PAN2: variants seen among roughly 807,000 people sequenced by gnomAD.
The protein encoded by PAN2 is PAN2-PAN3 deadenylation complex catalytic subunit PAN2.
Under a neutral mutation model 133.3 loss-of-function variants are expected in PAN2, and 68 were observed. The observed-to-expected ratio is 0.51, with a 90% CI of 0.42 to 0.62. The LOEUF is 0.62. Among genes scored for constraint, PAN2 ranks in the 20% least tolerant of loss-of-function variants. The pLI, the probability that PAN2 is intolerant of heterozygous loss-of-function variation, is 0.00. For synonymous variants in PAN2, 462 were observed against 544.6 expected, an observed-to-expected ratio of 0.85 and a Z score of 2.11; for missense variants, 1,042 against 1,500.5, an observed-to-expected ratio of 0.69 and a Z score of 5.05.
rs1471505322 is a variant in PAN2 at position 56,327,639 on chromosome 12, A to C, written c.652-8T>G. On this transcript the variant is annotated splice_polypyrimidine_tract_variant and splice_region_variant and intron_variant, in intron 5 of 25. Coordinates refer to ENST00000440411, the MANE Select transcript of PAN2 (RefSeq NM_014871.6). ...GAGGTCTCTCAGGGAAACCTAGAAA[A>C]AAAAAATTCAGTTATCTGCAAATTC... 2.5e-6 allele frequency: 4 copies of C among 1,611,018 alleles called. No individual in the cohort carries two copies. The highest frequency in any genetic ancestry group is 3.4e-6 in the Non-Finnish European group (4 of 1,178,064).
At position 56,328,228 on chromosome 12, in the gene PAN2, A is replaced by G. The variant is rs375200032; in HGVS notation, c.573+10T>C. 1.1e-4 allele frequency: 172 copies of G among 1,585,716 alleles called. No individual in the cohort carries two copies. Among genetic ancestry groups the G allele is most frequent in the Non-Finnish European group, 1.4e-4 (167 of 1,163,724 alleles). The stretch of plus-strand genomic sequence containing the variant: ...ACCCCACATAGGTCTTTCTTGCCCC[A>G]AGCTTGTACCTTCTGAGTCTCCTGG... On this transcript the variant is annotated intron_variant, in intron 4 of 25. Coordinates refer to ENST00000440411, the MANE Select transcript of PAN2 (RefSeq NM_014871.6).
In PAN2 at chr12:56,323,474, G is replaced by A. The variant is rs370408597; in HGVS notation, c.2271+26C>T. 1.2e-5 allele frequency: 20 copies of A among 1,609,886 alleles called. No individual in the cohort carries two copies. The African/African-American group carries it at 2.1e-4, about 17-fold the overall frequency. ...GATAAAATGAAAAATTATTCCGGAA[G>A]CCTTGTTTCTAGTCTGAGTCCTTAC... On this transcript the variant is annotated intron_variant, in intron 15 of 25. Transcript: ENST00000440411.
At chr12:56,326,183 C>G in intron 8 of PAN2, 130 bp downstream of exon 8, 1 of 789,738 alleles carries the variant, frequency 1.3e-6, no homozygotes, top group Non-Finnish European at 2.0e-6. Flanking sequence ...CTCCCTAACA[C>G]CTAGCATAGT....
chr12:56,318,172 G>T, intron 25 of PAN2, 65 bp downstream of exon 25: 2 of 1,394,822 alleles, frequency 1.4e-6, no homozygotes, highest in Non-Finnish European at 1.0e-6. Flanking sequence ...GTGAGACCCT[G>T]TCACAAACAA....
chr12:56,318,548 A>G, intron 24 of PAN2, 114 bp from the exon 25 acceptor site: 1 of 705,096 alleles, frequency 1.4e-6, no homozygotes, highest in South Asian at 1.8e-5. Context: ...CTTAAGGAAA[A>G]TTGTCAGACA....
Position 56,324,136 on chromosome 12 carries a change from C to T in PAN2, c.1978G>A (p.Glu660Lys). ...CGGCAGAGGCTGCAGTTCTCCATCTCACAGCTGAAGAGCTGCCCAATAACA... is the reference window on the plus strand; with the variant it reads ...CGGCAGAGGCTGCAGTTCTCCATCTTACAGCTGAAGAGCTGCCCAATAACA... ...DSVIGQLFSC[E>K]MENCSLCRCG... Residue 660 changes from glutamate (E) to lysine (K), a missense_variant, in exon 13 of 26, where the codon GAG becomes AAG. By Grantham distance (56) the Glu-to-Lys change is moderately conservative. This residue lies in a region of PAN2 where 908 missense variants were observed against 1,223.5 expected (regional missense o/e 0.74). Coordinates refer to ENST00000440411, the MANE Select transcript of PAN2 (RefSeq NM_014871.6). The T allele has an allele frequency of 3.1e-6, 5 of 1,614,070 alleles. No homozygotes were observed. Among genetic ancestry groups the T allele is most frequent in the Non-Finnish European group, 4.2e-6 (5 of 1,180,018 alleles).
In PAN2 at chr12:56,324,747, G is replaced by GC. The variant is rs773904266; in HGVS notation, c.1600-39dup. 10 of 1,593,300 alleles carry GC rather than the reference G, an allele frequency of 6.3e-6. No individual in the cohort carries two copies. The South Asian group carries it at 1.1e-4, about 18-fold the overall frequency. ...GCAGAAGAACTGATGTAGGAAACTG[G>GC]CCTGGGGGTGAGGAGAAATATGGAG... On this transcript the variant is annotated intron_variant, in intron 10 of 25. Coordinates refer to ENST00000440411, the MANE Select transcript of PAN2 (RefSeq NM_014871.6).
Position 56,318,449 on chromosome 12 carries a change from G to T in PAN2, c.3365-15C>A. On this transcript the variant is annotated splice_polypyrimidine_tract_variant and intron_variant, in intron 24 of 25. Transcript: ENST00000440411. ...AATCTTCAGGTCTGGGGTAAGTAAAGGTGGAATAGTTTGGGACCCAGCAAA... is the reference window on the plus strand; with the variant it reads ...AATCTTCAGGTCTGGGGTAAGTAAATGTGGAATAGTTTGGGACCCAGCAAA... 7 of 1,608,136 alleles carry T rather than the reference G, an allele frequency of 4.4e-6. No individual in the cohort carries two copies. The highest frequency in any genetic ancestry group is 6.0e-6 in the Non-Finnish European group (7 of 1,174,566).
At position 56,322,610 on chromosome 12, in the gene PAN2, C is replaced by T; in HGVS notation, c.2637+5G>A. On this transcript the variant is annotated splice_donor_5th_base_variant and intron_variant, in intron 18 of 25. Coordinates refer to ENST00000440411, the MANE Select transcript of PAN2 (RefSeq NM_014871.6). The stretch of plus-strand genomic sequence containing the variant: ...AGTGTTCCTGCCCTCTACAACCTCA[C>T]TCACCTCCTTGCGCTGGTGGTAGGT... 6.2e-7 allele frequency: 1 copy of T among 1,614,110 alleles called. No homozygotes were observed. The highest frequency in any genetic ancestry group is 8.5e-7 in the Non-Finnish European group (1 of 1,179,960).
chr12:56,323,937 C>T (rs750886461), intron 13 of PAN2, 24 bp from the exon 14 acceptor site: 6 of 1,603,654 alleles, frequency 3.7e-6, no homozygotes, highest in Admixed American at 1.7e-5. Flanking sequence ...AGATGCTATA[C>T]TCCTGGTTCT....
At chr12:56,330,581 G>A (rs1194639275) in intron 2 of PAN2, among the ~76,000 whole-genome samples, 1 of 151,278 alleles carries the variant, frequency 6.6e-6, no homozygotes, top group Non-Finnish European at 1.5e-5. Flanking sequence ...GGATGGTCTC[G>A]ATCTCCTGAC....
rs1876088020 is a variant in PAN2, at chr12:56,333,006, T to A, written c.89A>T (p.Asn30Ile). Reference protein sequence around the residue: ...ALDPVLDAHLNPSLLQNVELD... With the variant: ...ALDPVLDAHLIPSLLQNVELD... Reference sequence around the variant, plus strand: ...CTCCACATTCTGTAGCAGACTTGGGTTCAGGTGGGCATCCAAGACAGGGTC... The same window carrying A: ...CTCCACATTCTGTAGCAGACTTGGGATCAGGTGGGCATCCAAGACAGGGTC... Residue 30 changes from asparagine (N) to isoleucine (I), a missense_variant, in exon 2 of 26, where the codon AAC (asparagine) becomes ATC (isoleucine). Around this residue, in one of 3 missense-constraint regions of PAN2, gnomAD observed 908 missense variants for 1,223.5 expected, o/e 0.74. Transcript: ENST00000440411. 2 of 1,613,996 alleles carry A rather than the reference T, an allele frequency of 1.2e-6. No individual in the cohort carries two copies. Among genetic ancestry groups the A allele is most frequent in the African/African-American group, 2.7e-5 (2 of 74,892 alleles).
In PAN2 at chr12:56,317,177, C is replaced by T. The variant is rs1274832435; in HGVS notation, c.*432G>A. 6.3e-6 allele frequency: 1 copy of T among 158,652 alleles called. No homozygotes were observed. The highest frequency in any genetic ancestry group is 2.4e-5 in the African/African-American group (1 of 41,596). The allele number at this position is 158,652 out of a possible 1,614,324, so 9.8% of individuals were successfully genotyped here. A position where few individuals can be genotyped will look rare whatever the true frequency, so the allele number is the denominator to read the frequency against. On this transcript the variant is annotated 3_prime_UTR_variant, in exon 26 of 26. Transcript: ENST00000440411. ...CCACCAACACTCTACTTGCTGGCCC[C>T]TCCAGGTATCCCTGAAGCAGTTGGT...
chr12:56,329,930 T>G, intron 2 of PAN2, among the ~76,000 whole-genome samples: 2 of 112,540 alleles, frequency 1.8e-5, no homozygotes, highest in Admixed American at 1.1e-4. Flanking sequence ...GGCAACAGAG[T>G]GAGATTCCAC....
rs1401651425 is a variant in PAN2, at chr12:56,325,428, G to C, written c.1386C>G (p.Asp462Glu). 3.7e-6 allele frequency: 6 copies of C among 1,614,128 alleles called. No individual in the cohort carries two copies. The highest frequency in any genetic ancestry group is 3.3e-5 in the Admixed American group (2 of 60,026). ...CCTGGCTGAAGCTGTCAAATTCACT[G>C]TCTGACTCCTTGAGTCTGTAGGGTA... is the stretch of plus-strand genomic sequence containing the variant. The part of the protein sequence containing the change: ...NQIPYRLKES[D>E]SEFDSFSQVT... The change falls in exon 9 of 26, where the codon GAC (aspartate) becomes GAG (glutamate). Residue 462 changes from aspartate to glutamate, a missense_variant. Transcript: ENST00000440411.
chr12:56,322,906 G>T, intron 17 of PAN2, 148 bp from the exon 18 acceptor site: 1 of 1,256,876 alleles, frequency 8.0e-7, no homozygotes, highest in Non-Finnish European at 1.1e-6. Context: ...CCCCAACACT[G>T]AACTGAGTGA....
chr12:56,317,490 AC>A lies in PAN2; in HGVS notation c.*118del, dbSNP rs1195903170. ...TTAATAGCACCATCTGTGACCCTAG[AC>A]CCTGAGCACGTCCAGTACTGGAAGT... On this transcript the variant is annotated 3_prime_UTR_variant, in exon 26 of 26. Transcript: ENST00000440411. 1 of 793,684 alleles carries A rather than the reference AC, an allele frequency of 1.3e-6. No individual in the cohort carries two copies. Among genetic ancestry groups the A allele is most frequent in the Non-Finnish European group, 2.2e-6 (1 of 453,018 alleles). The allele number at this position is 793,684 out of a possible 1,614,324, so 49.2% of individuals were successfully genotyped here. A position where few individuals can be genotyped will look rare whatever the true frequency, so the allele number is the denominator to read the frequency against.
At position 56,324,307 on chromosome 12, in the gene PAN2, C is replaced by T. The variant is rs1874883191; in HGVS notation, c.1915G>A (p.Gly639Ser). Residue 639 changes from glycine (G) to serine (S), a missense_variant, in exon 12 of 26, where the codon GGT becomes AGT. This residue lies in a region of PAN2 where 908 missense variants were observed against 1,223.5 expected (regional missense o/e 0.74). Coordinates refer to ENST00000440411, the MANE Select transcript of PAN2 (RefSeq NM_014871.6). ...CTGATTTCATACCTGCCTCCAGCAC[C>T]TCGATAAGCCTGTGGTATTTCCAGC... Reference protein sequence around the residue: ...QELEIPQAYRGAGGSSFCSSG... With the variant: ...QELEIPQAYRSAGGSSFCSSG... 6.2e-7 allele frequency: 1 copy of T among 1,613,714 alleles called. No individual in the cohort carries two copies. Among genetic ancestry groups the T allele is most frequent in the Middle Eastern group, 1.6e-4 (1 of 6,062 alleles).
intron 9 of PAN2, 93 bp from the exon 10 acceptor site, chr12:56,325,221 G>T (rs1430679334): frequency 1.9e-6 from 3 of 1,571,100 alleles, no homozygotes; most frequent in Non-Finnish European, 2.6e-6. Context: ...CTTCCTCCTG[G>T]GTCCAGGGTG....
Sources: gnomAD v4.1 joint callset for allele counts (sites outside exome capture counted in the v4.1 genomes callset) on GRCh38, gnomAD v4.1.1 for gene constraint, gnomAD v4.1.1 regional missense constraint, MANE v1.5 for transcripts, NCBI Gene and HGNC (gene_info 2026-07-23, HGNC 2026-07-21) for gene names.